Variants in KLHL1 observed in about 807,000 individuals in gnomAD.
The protein encoded by KLHL1 is kelch-like protein 1.
Under a neutral mutation model 77.7 loss-of-function variants are expected in KLHL1, and 47 were observed. The observed-to-expected ratio is 0.60, with a 90% CI of 0.48 to 0.77. The LOEUF is 0.77. Among genes scored for constraint, KLHL1 ranks in the 30% least tolerant of loss-of-function variants. The probability of loss-of-function intolerance (pLI) is 0.00; values close to 1 mark genes in which losing one functional copy is unlikely to be tolerated. For synonymous variants in KLHL1, 360 were observed against 325.2 expected (o/e 1.11, Z -1.15); for missense variants, 925 against 910.8 (o/e 1.02, Z -0.20).
chr13:69,977,336 A>G (rs554806228), intron 1 of KLHL1, among the ~76,000 whole-genome samples: 43 of 152,126 alleles, frequency 2.8e-4, no homozygotes, highest in Non-Finnish European at 5.1e-4. Flanking sequence ...ATTTCAAGTC[A>G]TATGAAAAAA....
chr13:69,993,233 G>A (rs1210206387), intron 1 of KLHL1, among the ~76,000 whole-genome samples: 1 of 152,016 alleles, frequency 6.6e-6, no homozygotes, highest in Non-Finnish European at 1.5e-5. Context: ...AAACAAGGAT[G>A]GTCCAGTGTC....
chr13:69,828,178 G>C (rs1426691904), intron 6 of KLHL1, among the ~76,000 whole-genome samples: 1 of 150,208 alleles, frequency 6.7e-6, no homozygotes, highest in East Asian at 1.9e-4. Context: ...GCTTGCCACA[G>C]CACACTCCAT....
chr13:69,716,385 C>A (rs549436342), intron 9 of KLHL1, among the ~76,000 whole-genome samples: 1 of 151,706 alleles, frequency 6.6e-6, no homozygotes, highest in South Asian at 2.1e-4. Context: ...GCAGTATCAG[C>A]ACATGGCACC....
At chr13:69,951,173 T>C (rs150575353) in intron 3 of KLHL1, among the ~76,000 whole-genome samples, 1 of 151,616 alleles carries the variant, frequency 6.6e-6, no homozygotes, top group Admixed American at 6.6e-5. Flanking sequence ...TTACTTATTG[T>C]GAAAATTACA....
At chr13:69,730,048 G>A (rs1029206886) in intron 8 of KLHL1, among the ~76,000 whole-genome samples, 1 of 152,076 alleles carries the variant, frequency 6.6e-6, no homozygotes, top group African/African-American at 2.4e-5. Flanking sequence ...GACAGTAGAA[G>A]AAACTAGATA....
chr13:70,101,748 A>T (rs561982526), intron 1 of KLHL1, among the ~76,000 whole-genome samples: 6 of 152,176 alleles, frequency 3.9e-5, no homozygotes, highest in African/African-American at 1.4e-4. Flanking sequence ...ATTTCTTACG[A>T]TTGTTTTAGT....
At chr13:70,015,764 T>C (rs1007951014) in intron 1 of KLHL1, among the ~76,000 whole-genome samples, 2 of 152,332 alleles carry the variant, frequency 1.3e-5, no homozygotes, top group East Asian at 1.9e-4. Context: ...TTTCAACTTA[T>C]GATATTTCAA....
rs147322205 is a variant in KLHL1 at position 70,107,612 on chromosome 13, C to G, written c.88G>C (p.Gly30Arg). 1 of 1,589,366 alleles carries G rather than the reference C, an allele frequency of 6.3e-7. No individual in the cohort carries two copies. ...KLFSHPSPSTGGPAGGGCLQQ... is the reference protein window; with the variant it reads ...KLFSHPSPSTRGPAGGGCLQQ... ...AGGCAGCCTCCCCCCGCCGGGCCGC[C>G]GGTGGAAGGAGACGGGTGGCTGAAG... The change falls in exon 1 of 11, where the codon GGC becomes CGC. Residue 30 changes from glycine (G) to arginine (R), a missense_variant. Transcript: ENST00000377844.
intron 4 of KLHL1, among the ~76,000 whole-genome samples, chr13:69,929,228 A>T (rs1453312266): frequency 6.6e-6 from 1 of 152,052 alleles, no homozygotes; most frequent in Non-Finnish European, 1.5e-5. Flanking sequence ...CTACTCAAAG[A>T]CACCCAGTTG....
rs1555296826 is a variant in KLHL1 at position 70,094,393 on chromosome 13, T to TTTTATATATATATATATATA, written c.497+12809_497+12810insTATATATATATATATATAAA. Among the ~76,000 whole-genome samples, 74 of 137,200 alleles carry TTTTATATATATATATATATA rather than the reference T, an allele frequency of 5.4e-4. 2 individuals carry two copies. Among genetic ancestry groups the TTTTATATATATATATATATA allele is most frequent in the East Asian group, 1.3e-3 (6 of 4,780 alleles). 90.0% of individuals were successfully genotyped at this position (137,200 alleles called of 152,430 possible). Reference sequence around the variant, plus strand: ...TGAAACAAATACAATGCAATCATCTTTATATATATATATATATGAATATAT... The same window carrying TTTTATATATATATATATATA: ...TGAAACAAATACAATGCAATCATCTTTTTATATATATATATATATATATATATATATATATATGAATATAT... On this transcript the variant is annotated intron_variant, in intron 1 of 10. Transcript: ENST00000377844.
chr13:69,805,240 A>G (rs1156550193), intron 6 of KLHL1, among the ~76,000 whole-genome samples: 1 of 151,974 alleles, frequency 6.6e-6, no homozygotes, highest in African/African-American at 2.4e-5. Context: ...TAATAGAGTG[A>G]TATGTAGCTA....
At chr13:69,731,067 TAAATAG>T (rs201251534) in intron 8 of KLHL1, among the ~76,000 whole-genome samples, 1,564 of 152,182 alleles carry the variant, frequency 0.01, 24 homozygotes, top group African/African-American at 0.035. Context: ...AATGTGAATA[TAAATAG>T]AAAAAGTAGT....
intron 1 of KLHL1, among the ~76,000 whole-genome samples, chr13:70,060,168 G>A (rs963325196): frequency 6.6e-6 from 1 of 152,144 alleles, no homozygotes; most frequent in Non-Finnish European, 1.5e-5. Flanking sequence ...GTATGAAAAG[G>A]TGCTTAACAT....
chr13:69,761,861 G>T (rs1875038493), intron 7 of KLHL1, among the ~76,000 whole-genome samples: 1 of 152,116 alleles, frequency 6.6e-6, no homozygotes, highest in Non-Finnish European at 1.5e-5. Context: ...TAGATAAAAT[G>T]ATCCAAATTA....
intron 1 of KLHL1, among the ~76,000 whole-genome samples, chr13:70,086,172 C>T (rs1887531909): frequency 6.6e-6 from 1 of 151,786 alleles, no homozygotes; most frequent in African/African-American, 2.4e-5. Context: ...GAAAGAACAA[C>T]ATGGAGTGTC....
intron 3 of KLHL1, among the ~76,000 whole-genome samples, chr13:69,948,512 T>A (rs1883602429): frequency 6.6e-6 from 1 of 151,984 alleles, no homozygotes; most frequent in Non-Finnish European, 1.5e-5. Context: ...GGGGAATACT[T>A]TTTAAATAGG....
intron 4 of KLHL1, chr13:69,895,082 T>C: frequency 2.1e-6 from 1 of 474,746 alleles, no homozygotes; most frequent in South Asian, 1.7e-5. Flanking sequence ...ACTTCGGATC[T>C]TGCTTTCTTC....
chr13:70,028,864 C>T lies in KLHL1; in HGVS notation c.498-53062G>A, dbSNP rs528623679. On this transcript the variant is annotated intron_variant, in intron 1 of 10. Coordinates refer to ENST00000377844, the MANE Select transcript of KLHL1 (RefSeq NM_020866.3). Reference sequence around the variant, plus strand: ...TGGTGGCACATACCTGTAGGCTCAACTACTTACAAGATTGAGGTGGGAGGA... The same window carrying T: ...TGGTGGCACATACCTGTAGGCTCAATTACTTACAAGATTGAGGTGGGAGGA... Among the ~76,000 whole-genome samples the T allele has an allele frequency of 5.3e-5, 8 of 151,928 alleles. 2 individuals carry two copies. In the South Asian group the frequency reaches 1.7e-3, roughly 32 times the overall value.
intron 9 of KLHL1, among the ~76,000 whole-genome samples, chr13:69,715,188 G>T (rs1260758291): frequency 6.6e-6 from 1 of 152,162 alleles, no homozygotes; most frequent in African/African-American, 2.4e-5. Flanking sequence ...GGTTAGCATA[G>T]AATCCTTGAT....
Sources: gnomAD v4.1 joint callset for allele counts (sites outside exome capture counted in the v4.1 genomes callset) on GRCh38, gnomAD v4.1.1 for gene constraint, MANE v1.5 for transcripts, NCBI Gene and HGNC (gene_info 2026-07-23, HGNC 2026-07-21) for gene names.